DLG2: variants seen among roughly 807,000 people sequenced by gnomAD.
The protein encoded by DLG2 is disks large homolog 2.
A neutral mutation model predicts 132.5 loss-of-function variants in DLG2; 45 were observed. The observed-to-expected ratio is 0.34, with a 90% CI of 0.27 to 0.44. DLG2 has a LOEUF of 0.44. DLG2 is among the 20% of genes least tolerant of loss of function. The probability of loss-of-function intolerance (pLI) is 1.00; values close to 1 mark genes in which losing one functional copy is unlikely to be tolerated. For missense variants in DLG2, 1,045 were observed against 1,196.9 expected, an observed-to-expected ratio of 0.87 and a Z score of 1.87; for synonymous variants, 424 against 419.6, an observed-to-expected ratio of 1.01 and a Z score of -0.13.
chr11:85,462,501 G>A (rs1037715397), intron 3 of DLG2, among the ~76,000 whole-genome samples: 3 of 152,084 alleles, frequency 2.0e-5, no homozygotes, highest in Admixed American at 1.3e-4. Flanking sequence ...GTCCTTTCTA[G>A]GGACATGGAT....
intron 21 of DLG2, among the ~76,000 whole-genome samples, chr11:83,513,035 G>A (rs2095118776): frequency 6.6e-6 from 1 of 152,154 alleles, no homozygotes; most frequent in Non-Finnish European, 1.5e-5. Context: ...ATAATCCTTT[G>A]GGTATATACC....
chr11:83,498,051 T>A (rs1474192999), intron 21 of DLG2, among the ~76,000 whole-genome samples: 2 of 152,074 alleles, frequency 1.3e-5, no homozygotes, highest in Admixed American at 6.5e-5. Context: ...TTCTTCATTT[T>A]AAAAAAATGT....
intron 15 of DLG2, among the ~76,000 whole-genome samples, chr11:83,895,598 T>C (rs1014865721): frequency 2.0e-5 from 3 of 152,142 alleles, no homozygotes; most frequent in Non-Finnish European, 4.4e-5. Flanking sequence ...AACATGATAC[T>C]TGACAACTAG....
intron 4 of DLG2, among the ~76,000 whole-genome samples, chr11:85,267,099 A>G (rs1321812244): frequency 1.3e-5 from 2 of 152,118 alleles, no homozygotes; most frequent in East Asian, 1.9e-4. Context: ...CCAATTCCCA[A>G]TGTGATGTTA....
chr11:84,587,727 C>T (rs983500770), intron 6 of DLG2, among the ~76,000 whole-genome samples: 8 of 152,098 alleles, frequency 5.3e-5, no homozygotes, highest in African/African-American at 1.9e-4. Flanking sequence ...GCAAAATACT[C>T]CTAGAATTTA....
intron 3 of DLG2, among the ~76,000 whole-genome samples, chr11:85,389,095 A>C (rs552258545): frequency 6.6e-6 from 1 of 152,246 alleles, no homozygotes; most frequent in African/African-American, 2.4e-5. Context: ...AATAAAAGAA[A>C]TTTTTAAAAA....
chr11:84,600,196 G>GAAAT (rs1225064081), intron 6 of DLG2, among the ~76,000 whole-genome samples: 1 of 135,948 alleles, frequency 7.4e-6, no homozygotes, highest in Non-Finnish European at 1.5e-5. Context: ...AAGAAAGAAA[G>GAAAT]AAAGAAAGAA....
chr11:83,457,032 G>A lies in DLG2; in HGVS notation c.*2786C>T, dbSNP rs1310065630. 2.0e-5 allele frequency: 3 copies of A among 152,642 alleles called. No homozygotes were observed. Among genetic ancestry groups the A allele is most frequent in the African/African-American group, 4.8e-5 (2 of 41,448 alleles). 9.5% of individuals were successfully genotyped at this position (152,642 alleles called of 1,614,324 possible). A position where few individuals can be genotyped will look rare whatever the true frequency, so the allele number is the denominator to read the frequency against. On this transcript the variant is annotated 3_prime_UTR_variant, in exon 28 of 28. Transcript: ENST00000376104. ...TGATTTTGGTAAAGCTGAGACCCCC[G>A]TGGTGCTACACATTGTACCAGAGCA... is the stretch of plus-strand genomic sequence containing the variant.
At chr11:84,843,218 T>C (rs2080932566) in intron 6 of DLG2, among the ~76,000 whole-genome samples, 1 of 151,844 alleles carries the variant, frequency 6.6e-6, no homozygotes, top group Non-Finnish European at 1.5e-5. Context: ...TATGCATAGA[T>C]TCAAACCCTT....
chr11:84,717,166 T>G (rs1231183807), intron 6 of DLG2, among the ~76,000 whole-genome samples: 1 of 152,072 alleles, frequency 6.6e-6, no homozygotes, highest in Non-Finnish European at 1.5e-5. Flanking sequence ...GGCCTACCCA[T>G]GAAAATGGTT....
chr11:83,908,896 C>T (rs1054429989), intron 15 of DLG2, among the ~76,000 whole-genome samples: 1 of 152,058 alleles, frequency 6.6e-6, no homozygotes, highest in Non-Finnish European at 1.5e-5. Context: ...AGCATGCCTG[C>T]CTATTTAAAA....
chr11:84,450,880 C>CA (rs529355037), intron 7 of DLG2, among the ~76,000 whole-genome samples: 7,390 of 138,084 alleles, frequency 0.054, 494 homozygotes, highest in African/African-American at 0.16. Flanking sequence ...ATAAGTGTTC[C>CA]AAAAAAAAAA....
intron 6 of DLG2, among the ~76,000 whole-genome samples, chr11:84,779,229 T>C (rs570132212): frequency 6.6e-6 from 1 of 151,994 alleles, no homozygotes; most frequent in Non-Finnish European, 1.5e-5. Context: ...TATGTATATA[T>C]ACACACACAC....
intron 18 of DLG2, among the ~76,000 whole-genome samples, chr11:83,746,576 G>A (rs2092927701): frequency 6.6e-6 from 1 of 151,762 alleles, no homozygotes; most frequent in East Asian, 1.9e-4. Flanking sequence ...AGGGCCTGTT[G>A]TGGGGTGGGG....
At chr11:84,831,448 A>G (rs1336953146) in intron 6 of DLG2, among the ~76,000 whole-genome samples, 1 of 151,662 alleles carries the variant, frequency 6.6e-6, no homozygotes, top group Non-Finnish European at 1.5e-5. Flanking sequence ...ATCTTTGTGA[A>G]CTGGGTAAAG....
At chr11:84,356,909 CAGAG>C (rs1170569250) in intron 7 of DLG2, among the ~76,000 whole-genome samples, 2 of 151,798 alleles carry the variant, frequency 1.3e-5, no homozygotes, top group Non-Finnish European at 2.9e-5. Flanking sequence ...GGGACTATTC[CAGAG>C]AGAGAAGAGA....
chr11:85,404,667 A>T (rs2088540883), intron 3 of DLG2, among the ~76,000 whole-genome samples: 1 of 151,962 alleles, frequency 6.6e-6, no homozygotes, highest in South Asian at 2.1e-4. Context: ...GAGAAAAGAG[A>T]TTATCAAAAA....
chr11:83,732,012 T>C (rs896158975), intron 18 of DLG2, among the ~76,000 whole-genome samples: 4 of 152,190 alleles, frequency 2.6e-5, no homozygotes, highest in Non-Finnish European at 5.9e-5. Context: ...TTGTTACTAT[T>C]TGGTATTATT....
chr11:85,609,726 T>G (rs1324253912), intron 2 of DLG2, among the ~76,000 whole-genome samples: 1 of 152,170 alleles, frequency 6.6e-6, no homozygotes. Flanking sequence ...TCACCCTCAC[T>G]GAGCCCCGGA....
Sources: allele counts gnomAD v4.1 joint callset (sites outside exome capture counted in the v4.1 genomes callset), GRCh38; gene constraint gnomAD v4.1.1; transcripts MANE v1.5; gene names NCBI Gene and HGNC (gene_info 2026-07-23, HGNC 2026-07-21).